ACTN2: variants seen among roughly 807,000 people sequenced by gnomAD.
The protein encoded by ACTN2 is actinin alpha 2.
ACTN2 carries 39 observed loss-of-function variants against 113.8 expected under a neutral mutation model. The observed-to-expected ratio is 0.34, with a 90% CI of 0.27 to 0.45. The LOEUF (loss-of-function observed/expected upper bound fraction) is 0.45. ACTN2 is among the 20% of genes least tolerant of loss of function. The probability of loss-of-function intolerance (pLI) is 1.00; values close to 1 mark genes in which losing one functional copy is unlikely to be tolerated. For synonymous variants in ACTN2, 429 were observed against 444.1 expected (o/e 0.97, Z 0.43); for missense variants, 992 against 1,177.9 (o/e 0.84, Z 2.31).
At chr1:236,709,220 G>GTGTGTGTGTGTGTATA (rs1275373436) in intron 1 of ACTN2, among the ~76,000 whole-genome samples, 13 of 66,848 alleles carry the variant, frequency 1.9e-4, no homozygotes, top group Admixed American at 1.1e-3. Flanking sequence ...ACAAATGACT[G>GTGTGTGTGTGTGTATA]TATATATATA....
chr1:236,708,978 A>C (rs1343437807), intron 1 of ACTN2, among the ~76,000 whole-genome samples: 1 of 151,914 alleles, frequency 6.6e-6, no homozygotes, highest in Admixed American at 6.6e-5. Context: ...AACCGATTAG[A>C]GGTAATCTTG....
chr1:236,751,703 C>T (rs2102939873), intron 15 of ACTN2, 51 bp downstream of exon 15: 6 of 1,608,762 alleles, frequency 3.7e-6, no homozygotes, highest in Non-Finnish European at 3.4e-6. Flanking sequence ...TTGAAGCTGA[C>T]GTCGAAGGAG....
At chr1:236,713,092 C>G (rs904992795) in intron 1 of ACTN2, among the ~76,000 whole-genome samples, 11 of 151,758 alleles carry the variant, frequency 7.2e-5, no homozygotes, top group Admixed American at 5.3e-4. Flanking sequence ...GGAAACAACC[C>G]AAATATTCGT....
intron 1 of ACTN2, among the ~76,000 whole-genome samples, chr1:236,707,525 G>A (rs756724989): frequency 5.1e-4 from 77 of 151,784 alleles, no homozygotes; most frequent in Non-Finnish European, 7.5e-4. Context: ...TCAACCCCAC[G>A]GCACCACTCA....
At chr1:236,747,828 A>C in intron 13 of ACTN2, 53 bp downstream of exon 13, 1 of 1,338,050 alleles carries the variant, frequency 7.5e-7, no homozygotes, top group South Asian at 1.2e-5. Flanking sequence ...GAAGCTCTTT[A>C]ATTAAATCAC....
At chr1:236,695,563 T>TCACCCCC (rs1657467279) in intron 1 of ACTN2, among the ~76,000 whole-genome samples, 4 of 100,796 alleles carry the variant, frequency 4.0e-5, no homozygotes, top group Non-Finnish European at 7.7e-5. Context: ...TGAAATGAGT[T>TCACCCCC]CCCCCCCCCT....
At chr1:236,741,278 G>A (rs1033858136) in intron 10 of ACTN2, among the ~76,000 whole-genome samples, 2 of 152,038 alleles carry the variant, frequency 1.3e-5, no homozygotes, top group African/African-American at 4.8e-5. Context: ...GGGCTCAAGC[G>A]ATCCTCCCAC....
intron 1 of ACTN2, among the ~76,000 whole-genome samples, chr1:236,691,032 G>A (rs1666064456): frequency 2.0e-5 from 3 of 151,368 alleles, no homozygotes; most frequent in Non-Finnish European, 2.9e-5. Flanking sequence ...CCGTCTCCCG[G>A]GTTCAAGCAA....
At chr1:236,690,614 A>G (rs894089714) in intron 1 of ACTN2, among the ~76,000 whole-genome samples, 1 of 152,232 alleles carries the variant, frequency 6.6e-6, no homozygotes, top group Non-Finnish European at 1.5e-5. Context: ...TATACATTGT[A>G]AAGTGATCTG....
In ACTN2 at chr1:236,755,004, A is replaced by T; in HGVS notation, c.1975-15A>T. 6.2e-7 allele frequency: 1 copy of T among 1,613,728 alleles called. No homozygotes were observed. The highest frequency in any genetic ancestry group is 8.5e-7 in the Non-Finnish European group (1 of 1,179,962). On this transcript the variant is annotated splice_polypyrimidine_tract_variant and intron_variant, in intron 16 of 20. Coordinates refer to ENST00000366578, the MANE Select transcript of ACTN2 (RefSeq NM_001103.4). ...ACTCTGCTTCTCTCTCTGCTTGCTC[A>T]CTCGCCCCCCTCAGGAGATTGCCCG...
intron 1 of ACTN2, among the ~76,000 whole-genome samples, chr1:236,708,719 A>G (rs1483190405): frequency 6.6e-6 from 1 of 152,040 alleles, no homozygotes; most frequent in East Asian, 1.9e-4. Flanking sequence ...GGCTGGGGGG[A>G]TTGAGACGCT....
rs2102927868 is a variant in ACTN2, at chr1:236,743,190, CAAATTTATTTAAGAGGTAGGCATGA to C, written c.1255+155_1255+179del. 4 of 1,009,926 alleles carry C rather than the reference CAAATTTATTTAAGAGGTAGGCATGA, an allele frequency of 4.0e-6. No homozygotes were observed. In the East Asian group the frequency reaches 1.0e-4, roughly 26 times the overall value. 62.6% of individuals were successfully genotyped at this position (1,009,926 alleles called of 1,614,324 possible). ...CCTTTCTCTGCTCTTGTCTCAGTGC[CAAATTTATTTAAGAGGTAGGCATGA>C]AAATTTAGTTTCTAATCACGCAGGT... On this transcript the variant is annotated intron_variant, in intron 11 of 20. Transcript: ENST00000366578.
At chr1:236,712,976 T>A (rs1658077860) in intron 1 of ACTN2, among the ~76,000 whole-genome samples, 1 of 151,766 alleles carries the variant, frequency 6.6e-6, no homozygotes, top group South Asian at 2.1e-4. Context: ...AAAACTCAGG[T>A]ATGTGATTAG....
chr1:236,761,455 GTGTA>G (rs1332715267), intron 20 of ACTN2, among the ~76,000 whole-genome samples: 6 of 151,528 alleles, frequency 4.0e-5, no homozygotes, highest in Non-Finnish European at 7.4e-5. Flanking sequence ...GTGTGTGTGT[GTGTA>G]TGTGCGCGCT....
chr1:236,709,212 A>G (rs1221800156), intron 1 of ACTN2, among the ~76,000 whole-genome samples: 1 of 112,844 alleles, frequency 8.9e-6, no homozygotes, highest in Non-Finnish European at 1.8e-5. Flanking sequence ...TGATCATGAC[A>G]AATGACTGTA....
chr1:236,738,141 C>G (rs1446593198), intron 9 of ACTN2, among the ~76,000 whole-genome samples: 1 of 152,226 alleles, frequency 6.6e-6, no homozygotes, highest in African/African-American at 2.4e-5. Flanking sequence ...TCCCAAGTAG[C>G]TGGGATTACA....
intron 7 of ACTN2, among the ~76,000 whole-genome samples, chr1:236,732,602 C>T (rs1047651513): frequency 1.3e-5 from 2 of 151,834 alleles, no homozygotes; most frequent in Middle Eastern, 3.4e-3. Context: ...ACCACCATGC[C>T]CAGCTACTTT....
chr1:236,757,240 T>G (rs981101386), intron 17 of ACTN2, among the ~76,000 whole-genome samples: 1 of 148,042 alleles, frequency 6.8e-6, no homozygotes, highest in Non-Finnish European at 1.5e-5. Flanking sequence ...AGAACCCTGG[T>G]TATAGAGTAT....
chr1:236,738,569 C>T (rs1000424015), intron 9 of ACTN2, among the ~76,000 whole-genome samples: 2 of 152,196 alleles, frequency 1.3e-5, no homozygotes, highest in Non-Finnish European at 1.5e-5. Context: ...CATTTATCCT[C>T]CTAAAACCCT....
Sources: gnomAD v4.1 joint callset for allele counts (sites outside exome capture counted in the v4.1 genomes callset) on GRCh38, gnomAD v4.1.1 for gene constraint, MANE v1.5 for transcripts, NCBI Gene and HGNC (gene_info 2026-07-23, HGNC 2026-07-21) for gene names.